Variants in CEBPE observed in about 807,000 individuals in gnomAD.
The protein encoded by CEBPE is CCAAT enhancer binding protein epsilon.
A neutral mutation model predicts 20.4 loss-of-function variants in CEBPE; 10 were observed. The observed-to-expected ratio is 0.49, with a 90% confidence interval of 0.30 to 0.83. The LOEUF (loss-of-function observed/expected upper bound fraction) is 0.83, where lower values mean the gene tolerates loss of function less well. CEBPE is among the 40% of genes least tolerant of loss of function. The pLI, the probability that CEBPE is intolerant of heterozygous loss-of-function variation, is 0.06. For synonymous variants in CEBPE, 179 were observed against 162.6 expected (o/e 1.10, Z -0.77); for missense variants, 389 against 383.3 (o/e 1.01, Z -0.12).
chr14:23,119,191 G>A lies in CEBPE; in HGVS notation c.-100C>T. 2.5e-6 allele frequency: 2 copies of A among 792,338 alleles called. No individual in the cohort carries two copies. The highest frequency in any genetic ancestry group is 1.6e-5 in the South Asian group (1 of 62,766). The allele number at this position is 792,338 out of a possible 1,614,324, so 49.1% of individuals were successfully genotyped here. A position where few individuals can be genotyped will look rare whatever the true frequency, so the allele number is the denominator to read the frequency against. On this transcript the variant is annotated 5_prime_UTR_variant, in exon 1 of 2. Transcript: ENST00000206513. ...CTCTACCTCCTCCTGACCTGGGCCT[G>A]CCCTCTCTCGATCTTCTGCCCTAGA...
In CEBPE at chr14:23,118,736, G is replaced by T. The variant is rs752134859; in HGVS notation, c.356C>A (p.Ala119Glu). The change falls in exon 1 of 2, where the codon GCG becomes GAG. Residue 119 changes from alanine to glutamate, a missense_variant. Coordinates refer to ENST00000206513, the MANE Select transcript of CEBPE (RefSeq NM_001805.4). This position sits in a 1 kb window ranked among gnomAD's most constrained non-coding sequence, Gnocchi z 5.5. ...SPGSYDPRAVAVKEEPRGPEG... is the reference protein window; with the variant it reads ...SPGSYDPRAVEVKEEPRGPEG... ...TGGCCCCCGGGGCTCCTCCTTCACC[G>T]CCACAGCCCTGGGGTCGTAGCTCCC... is the stretch of plus-strand genomic sequence containing the variant. The T allele has an allele frequency of 2.3e-5, 37 of 1,612,818 alleles. No homozygotes were observed. The highest frequency in any genetic ancestry group is 4.0e-5 in the African/African-American group (3 of 74,694).
At position 23,117,775 on chromosome 14, in the gene CEBPE, C is replaced by A; in HGVS notation, c.558G>T (p.Ala186=). The part of the protein sequence containing the change: ...AAPPCSPLLK[A]PSPAGPLHKG... ...TGTGTAAGGGGCCAGCCGGGGAGGG[C>A]GCCTTCAGGAGGGGACTGCAGGGGG... The change falls in exon 2 of 2, where the codon GCG becomes GCT. Residue 186 remains alanine, a synonymous_variant. Transcript: ENST00000206513. 1 of 1,612,104 alleles carries A rather than the reference C, an allele frequency of 6.2e-7. No homozygotes were observed. The highest frequency in any genetic ancestry group is 8.5e-7 in the Non-Finnish European group (1 of 1,179,408).
rs114913626 is a variant in CEBPE, at chr14:23,118,858, G to A, written c.234C>T (p.Pro78=). The part of the protein sequence containing the change: ...GLKGPGTPAF[P]HYLPPDPRPF... ...GCCGAGGGTCAGGCGGCAAGTAGTG[G>A]GGGAAGGCAGGGGTTCCGGGGCCCT... Residue 78 remains proline, a synonymous_variant, in exon 1 of 2, where the codon CCC becomes CCT. Coordinates refer to ENST00000206513, the MANE Select transcript of CEBPE (RefSeq NM_001805.4). The surrounding 1 kb of genome is among the most constrained non-coding windows in gnomAD (Gnocchi z 5.5). The A allele has an allele frequency of 1.5e-3, 2,398 of 1,614,018 alleles. 29 individuals are homozygous for A. In the African/African-American group the frequency reaches 0.028, roughly 19 times the overall value.
Position 23,119,058 on chromosome 14 carries a change from G to T in CEBPE, c.34C>A (p.Arg12=). 6.2e-7 allele frequency: 1 copy of T among 1,609,690 alleles called. No homozygotes were observed. The highest frequency in any genetic ancestry group is 8.5e-7 in the Non-Finnish European group (1 of 1,179,220). Residue 12 remains arginine, a synonymous_variant, in exon 1 of 2, where the codon CGG becomes AGG. Transcript: ENST00000206513. The part of the protein sequence containing the change: ...SHGTYYECEP[R]GGQQPLEFSG... Reference sequence around the variant, plus strand: ...AACTCGAGTGGCTGCTGGCCACCCCGGGGCTCACACTCGTAGTAGGTCCCG... The same window carrying T: ...AACTCGAGTGGCTGCTGGCCACCCCTGGGCTCACACTCGTAGTAGGTCCCG...
In CEBPE at chr14:23,117,586, G is replaced by C; in HGVS notation, c.747C>G (p.Arg249=). The change falls in exon 2 of 2, where the codon CGC becomes CGG. Residue 249 remains arginine, a synonymous_variant. Transcript: ENST00000206513. ...YMAENERLRS[R]VEQLTQELDT... is the part of the protein sequence containing the mutation. ...CTAGCTCCTGGGTGAGCTGCTCCAC[G>C]CGGCTGCGGAGGCGCTCGTTCTCTG... The C allele has an allele frequency of 6.2e-7, 1 of 1,614,104 alleles. No homozygotes were observed. Among genetic ancestry groups the C allele is most frequent in the African/African-American group, 1.3e-5 (1 of 75,052 alleles).
Position 23,117,632 on chromosome 14 carries a change from T to C in CEBPE, c.701A>G (p.Gln234Arg). 1 of 1,614,226 alleles carries C rather than the reference T, an allele frequency of 6.2e-7. No individual in the cohort carries two copies. The highest frequency in any genetic ancestry group is 1.7e-5 in the Admixed American group (1 of 60,028). ...CTCTGCCATGTACTCCAGCACCTTC[T>C]GCTGCGTCTCCAGAATGCGCCTCTT... Reference protein sequence around the residue: ...KAKRRILETQQKVLEYMAENE... With the variant: ...KAKRRILETQRKVLEYMAENE... Residue 234 changes from glutamine to arginine, a missense_variant, in exon 2 of 2, where the codon CAG (glutamine) becomes CGG (arginine). Transcript: ENST00000206513.
chr14:23,117,570 G>A lies in CEBPE; in HGVS notation c.763C>T (p.Gln255Ter). 6.2e-7 allele frequency: 1 copy of A among 1,614,060 alleles called. No individual in the cohort carries two copies. The highest frequency in any genetic ancestry group is 8.5e-7 in the Non-Finnish European group (1 of 1,180,030). ...RLRSRVEQLT[Q>*]ELDTLRNLFR... Reference sequence around the variant, plus strand: ...AGGTTGCGGAGGGTGTCTAGCTCCTGGGTGAGCTGCTCCACGCGGCTGCGG... The same window carrying A: ...AGGTTGCGGAGGGTGTCTAGCTCCTAGGTGAGCTGCTCCACGCGGCTGCGG... Residue 255 changes from glutamine (Q) to a stop codon, truncating the protein, a stop_gained, in exon 2 of 2, where the codon CAG (glutamine) becomes TAG (stop). Coordinates refer to ENST00000206513, the MANE Select transcript of CEBPE (RefSeq NM_001805.4). LOFTEE classifies it high-confidence loss of function.
chr14:23,118,549 G>T lies in CEBPE; in HGVS notation c.510+33C>A. 6.3e-6 allele frequency: 10 copies of T among 1,590,292 alleles called. No individual in the cohort carries two copies. The highest frequency in any genetic ancestry group is 6.8e-6 in the Non-Finnish European group (8 of 1,173,788). ...TGTCCACACCAGCCTCTCCAGCCCCGGGCAGGAGGGAGGAGGGCTGGCCTG... is the reference window on the plus strand; with the variant it reads ...TGTCCACACCAGCCTCTCCAGCCCCTGGCAGGAGGGAGGAGGGCTGGCCTG... On this transcript the variant is annotated intron_variant, in intron 1 of 1. Coordinates refer to ENST00000206513, the MANE Select transcript of CEBPE (RefSeq NM_001805.4). The surrounding 1 kb of genome is among the most constrained non-coding windows in gnomAD (Gnocchi z 5.5).
rs2048527051 is a variant in CEBPE, at chr14:23,119,137, C to T, written c.-46G>A. Reference sequence around the variant, plus strand: ...TCCCCGCCCCCACCTGCTCTTGAGGCACCCCTTGGGGTGCTCCGGCTGCCC... The same window carrying T: ...TCCCCGCCCCCACCTGCTCTTGAGGTACCCCTTGGGGTGCTCCGGCTGCCC... On this transcript the variant is annotated 5_prime_UTR_variant, in exon 1 of 2. Coordinates refer to ENST00000206513, the MANE Select transcript of CEBPE (RefSeq NM_001805.4). 1 of 1,344,712 alleles carries T rather than the reference C, an allele frequency of 7.4e-7. No individual in the cohort carries two copies. The highest frequency in any genetic ancestry group is 1.0e-6 in the Non-Finnish European group (1 of 977,700). The allele number at this position is 1,344,712 out of a possible 1,614,324, so 83.3% of individuals were successfully genotyped here. A position where few individuals can be genotyped will look rare whatever the true frequency, so the allele number is the denominator to read the frequency against.
chr14:23,118,963 G>T lies in CEBPE; in HGVS notation c.129C>A (p.Ser43=), dbSNP rs750232833. The change falls in exon 1 of 2, where the codon TCC becomes TCA. Residue 43 remains serine, a synonymous_variant. Coordinates refer to ENST00000206513, the MANE Select transcript of CEBPE (RefSeq NM_001805.4). This position sits in a 1 kb window ranked among gnomAD's most constrained non-coding sequence, Gnocchi z 5.5. ...GCTCTTCCCCAGACTCGATGTAGGC[G>T]GAGAGGTCAATGGAGGCCTCATGCT... ...MCEHEASIDL[S]AYIESGEEQL... is the part of the protein sequence containing the mutation. 1 of 1,613,876 alleles carries T rather than the reference G, an allele frequency of 6.2e-7. No individual in the cohort carries two copies. The highest frequency in any genetic ancestry group is 8.5e-7 in the Non-Finnish European group (1 of 1,179,990).
Position 23,118,525 on chromosome 14 carries a change from G to A in CEBPE, c.510+57C>T. 6.4e-7 allele frequency: 1 copy of A among 1,552,726 alleles called. No individual in the cohort carries two copies. The highest frequency in any genetic ancestry group is 8.7e-7 in the Non-Finnish European group (1 of 1,154,392). The stretch of plus-strand genomic sequence containing the variant: ...AGCATGAGCCGGGGCACAGGGTCCT[G>A]TCCACACCAGCCTCTCCAGCCCCGG... On this transcript the variant is annotated intron_variant, in intron 1 of 1. Coordinates refer to ENST00000206513, the MANE Select transcript of CEBPE (RefSeq NM_001805.4). This position sits in a 1 kb window ranked among gnomAD's most constrained non-coding sequence, Gnocchi z 5.5.
Position 23,118,783 on chromosome 14 carries a change from C to T in CEBPE, c.309G>A (p.Gly103=), listed in dbSNP as rs2048522928. 3 of 1,612,790 alleles carry T rather than the reference C, an allele frequency of 1.9e-6. No homozygotes were observed. The highest frequency in any genetic ancestry group is 2.5e-6 in the Non-Finnish European group (3 of 1,179,322). Residue 103 remains glycine (G), a synonymous_variant, in exon 1 of 2, where the codon GGG becomes GGA. Coordinates refer to ENST00000206513, the MANE Select transcript of CEBPE (RefSeq NM_001805.4). This position sits in a 1 kb window ranked among gnomAD's most constrained non-coding sequence, Gnocchi z 5.5. ...TCCCTGGGCTGCTGTAGATGCCAGG[C>T]CCCAGCGCCTTCCTGTCTGGGCCGA... ...HTFGPDRKAL[G]PGIYSSPGSY...
At position 23,118,897 on chromosome 14, in the gene CEBPE, C is replaced by T. The variant is rs758325030; in HGVS notation, c.195G>A (p.Glu65=). 2.5e-6 allele frequency: 4 copies of T among 1,613,930 alleles called. No individual in the cohort carries two copies. In the East Asian group the frequency reaches 6.7e-5, roughly 27 times the overall value. Residue 65 remains glutamate, a synonymous_variant, in exon 1 of 2, where the codon GAG becomes GAA. Coordinates refer to ENST00000206513, the MANE Select transcript of CEBPE (RefSeq NM_001805.4). The surrounding 1 kb of genome is among the most constrained non-coding windows in gnomAD (Gnocchi z 5.5). The stretch of plus-strand genomic sequence containing the variant: ...TTCCGGGGCCCTTGAGGCCTCTGGC[C>T]TCAGGCGCTGGCTTCACGGCAAAGA... ...SDLFAVKPAP[E]ARGLKGPGTP... is the part of the protein sequence containing the mutation.
At position 23,117,430 on chromosome 14, in the gene CEBPE, G is replaced by C; in HGVS notation, c.*57C>G. The C allele has an allele frequency of 6.5e-7, 1 of 1,541,000 alleles. No homozygotes were observed. Among genetic ancestry groups the C allele is most frequent in the Non-Finnish European group, 8.8e-7 (1 of 1,138,192 alleles). On this transcript the variant is annotated 3_prime_UTR_variant, in exon 2 of 2. Coordinates refer to ENST00000206513, the MANE Select transcript of CEBPE (RefSeq NM_001805.4). ...GGTTCTAGGCCCCCAGCAGGATGGG[G>C]GTCCGCAGAGTTAGGCCGTGCCAGG...
chr14:23,117,654 T>A lies in CEBPE; in HGVS notation c.679A>T (p.Arg227Trp), dbSNP rs780345897. 2 of 1,614,248 alleles carry A rather than the reference T, an allele frequency of 1.2e-6. No homozygotes were observed. Among genetic ancestry groups the A allele is most frequent in the South Asian group, 1.1e-5 (1 of 91,092 alleles). The change falls in exon 2 of 2, where the codon AGG becomes TGG. Residue 227 changes from arginine to tryptophan, a missense_variant. Physicochemically the swap from Arg to Trp is moderately radical, Grantham distance 101 (BLOSUM62 -3). Coordinates refer to ENST00000206513, the MANE Select transcript of CEBPE (RefSeq NM_001805.4). ...TTCTGCTGCGTCTCCAGAATGCGCC[T>A]CTTGGCCTTGTCTCGGCTCTTGCGC... ...AVRKSRDKAK[R>W]RILETQQKVL...
In CEBPE at chr14:23,118,839, G is replaced by C; in HGVS notation, c.253C>G (p.Pro85Ala). ...PAFPHYLPPDPRPFAYPPHTF... is the reference protein window; with the variant it reads ...PAFPHYLPPDARPFAYPPHTF... Reference sequence around the variant, plus strand: ...TGTGGAGGGTAGGCAAAGGGCCGAGGGTCAGGCGGCAAGTAGTGGGGGAAG... The same window carrying C: ...TGTGGAGGGTAGGCAAAGGGCCGAGCGTCAGGCGGCAAGTAGTGGGGGAAG... The change falls in exon 1 of 2, where the codon CCT becomes GCT. Residue 85 changes from proline (P) to alanine (A), a missense_variant. Physicochemically the swap from Pro to Ala is conservative, Grantham distance 27 (BLOSUM62 -1). Coordinates refer to ENST00000206513, the MANE Select transcript of CEBPE (RefSeq NM_001805.4). The surrounding 1 kb of genome is among the most constrained non-coding windows in gnomAD (Gnocchi z 5.5). The C allele has an allele frequency of 6.2e-7, 1 of 1,613,990 alleles. No homozygotes were observed. Among genetic ancestry groups the C allele is most frequent in the Non-Finnish European group, 8.5e-7 (1 of 1,179,932 alleles).
Position 23,118,510 on chromosome 14 carries a change from G to C in CEBPE, c.510+72C>G. 1 of 1,510,786 alleles carries C rather than the reference G, an allele frequency of 6.6e-7. No individual in the cohort carries two copies. The highest frequency in any genetic ancestry group is 8.9e-7 in the Non-Finnish European group (1 of 1,128,000). 93.6% of individuals were successfully genotyped at this position (1,510,786 alleles called of 1,614,324 possible). A position where few individuals can be genotyped will look rare whatever the true frequency, so the allele number is the denominator to read the frequency against. ...AAGCACAGGCTCAGCAGCATGAGCC[G>C]GGGCACAGGGTCCTGTCCACACCAG... On this transcript the variant is annotated intron_variant, in intron 1 of 1. Transcript: ENST00000206513. The surrounding 1 kb of genome is among the most constrained non-coding windows in gnomAD (Gnocchi z 5.5).
At position 23,118,518 on chromosome 14, in the gene CEBPE, G is replaced by C; in HGVS notation, c.510+64C>G. The C allele has an allele frequency of 6.5e-7, 1 of 1,530,724 alleles. No homozygotes were observed. The highest frequency in any genetic ancestry group is 8.8e-7 in the Non-Finnish European group (1 of 1,140,804). 94.8% of individuals were successfully genotyped at this position (1,530,724 alleles called of 1,614,324 possible). On this transcript the variant is annotated intron_variant, in intron 1 of 1. Coordinates refer to ENST00000206513, the MANE Select transcript of CEBPE (RefSeq NM_001805.4). This position sits in a 1 kb window ranked among gnomAD's most constrained non-coding sequence, Gnocchi z 5.5. ...GCTCAGCAGCATGAGCCGGGGCACA[G>C]GGTCCTGTCCACACCAGCCTCTCCA...
rs774222760 is a variant in CEBPE, at chr14:23,119,030, G to C, written c.62C>G (p.Ser21Ter). The C allele has an allele frequency of 4.3e-6, 7 of 1,612,882 alleles. No individual in the cohort carries two copies. In the South Asian group the frequency reaches 7.7e-5, roughly 18 times the overall value. The change falls in exon 1 of 2, where the codon TCA (serine) becomes TGA (stop). Residue 21 changes from serine (S) to a stop codon, truncating the protein, a stop_gained. Transcript: ENST00000206513. LOFTEE classifies it high-confidence loss of function. ...PRGGQQPLEFSGGRAGPGELG... is the reference protein window; with the variant it reads ...PRGGQQPLEF Reference sequence around the variant, plus strand: ...CTCCCCGGGCCCAGCTCGGCCCCCTGAGAACTCGAGTGGCTGCTGGCCACC... The same window carrying C: ...CTCCCCGGGCCCAGCTCGGCCCCCTCAGAACTCGAGTGGCTGCTGGCCACC...
Sources: gnomAD v4.1 joint callset for allele counts on GRCh38, gnomAD v4.1.1 for gene constraint, Gnocchi (gnomAD v3.1) non-coding constraint, MANE v1.5 for transcripts, NCBI Gene and HGNC (gene_info 2026-07-23, HGNC 2026-07-21) for gene names.